Variants in PRDM1 observed in about 807,000 individuals in gnomAD.
PRDM1 encodes the protein PR/SET domain 1.
Under a neutral mutation model 62.8 loss-of-function variants are expected in PRDM1, and 13 were observed. The observed-to-expected ratio is 0.21, with a 90% CI of 0.13 to 0.33. The LOEUF (loss-of-function observed/expected upper bound fraction) is 0.33. PRDM1 is among the 10% of genes least tolerant of loss of function. PRDM1 has a pLI of 1.00. For synonymous variants in PRDM1, 396 were observed against 417.6 expected, an observed-to-expected ratio of 0.95 and a Z score of 0.63; for missense variants, 895 against 1,058.8, an observed-to-expected ratio of 0.85 and a Z score of 2.15.
chr6:106,018,246 T>C (rs1158606262), intron 1 of PRDM1, among the ~76,000 whole-genome samples: 1 of 152,242 alleles, frequency 6.6e-6, no homozygotes, highest in East Asian at 1.9e-4. Flanking sequence ...GTATAGTTAT[T>C]AAAGTAGTTT....
rs2114658120 is a variant in PRDM1, at chr6:106,105,805, C to T, written c.1645C>T (p.Leu549Phe). The T allele has an allele frequency of 6.2e-7, 1 of 1,614,228 alleles. No homozygotes were observed. The highest frequency in any genetic ancestry group is 8.5e-7 in the Non-Finnish European group (1 of 1,180,048). The change falls in exon 5 of 7, where the codon CTC becomes TTC. Residue 549 changes from leucine to phenylalanine, a missense_variant. This residue lies in a region of PRDM1 where 74 missense variants were observed against 172.4 expected (regional missense o/e 0.43). Transcript: ENST00000369096. ...AAPSSDEAMNLIKNKRNMTGY... is the reference protein window; with the variant it reads ...AAPSSDEAMNFIKNKRNMTGY... ...CCCCAGCAGCGACGAAGCCATGAATCTCATTAAAAACAAAAGAAACATGAC... is the reference window on the plus strand; with the variant it reads ...CCCCAGCAGCGACGAAGCCATGAATTTCATTAAAAACAAAAGAAACATGAC...
At chr6:106,103,454 GA>G (rs761345334) in intron 4 of PRDM1, among the ~76,000 whole-genome samples, 2 of 152,148 alleles carry the variant, frequency 1.3e-5, no homozygotes, top group Non-Finnish European at 2.9e-5. Context: ...TGCTGCCTCT[GA>G]AGGCATCTCC....
intron 1 of PRDM1, among the ~76,000 whole-genome samples, chr6:106,051,985 A>G (rs990697537): frequency 6.6e-6 from 1 of 152,334 alleles, no homozygotes; most frequent in Middle Eastern, 3.4e-3. Context: ...TGTCAAGTTC[A>G]TAGACACAGA....
intron 1 of PRDM1, among the ~76,000 whole-genome samples, chr6:106,007,155 G>GGCACAGT (rs1772493594): frequency 6.6e-6 from 1 of 151,942 alleles, no homozygotes; most frequent in Admixed American, 6.6e-5. Context: ...AGACAGGCCA[G>GGCACAGT]GCACAGTGGC....
intron 1 of PRDM1, among the ~76,000 whole-genome samples, chr6:106,075,158 T>A (rs992815970): frequency 1.3e-5 from 2 of 152,234 alleles, no homozygotes; most frequent in East Asian, 3.8e-4. Flanking sequence ...GTGTTATCAA[T>A]ATTTCTTAAT....
At chr6:106,073,105 CT>C (rs202236727) in intron 1 of PRDM1, among the ~76,000 whole-genome samples, 18,281 of 137,398 alleles carry the variant, frequency 0.13, 828 homozygotes, top group Middle Eastern at 0.18. Context: ...TTCCTCTTTT[CT>C]TTTTTTTTTT....
At chr6:106,056,331 A>C (rs6929853) in intron 1 of PRDM1, among the ~76,000 whole-genome samples, 2 of 152,094 alleles carry the variant, frequency 1.3e-5, no homozygotes, top group Non-Finnish European at 1.5e-5. Context: ...TGGCCTTCTC[A>C]TCCCTCACCG....
Position 105,998,239 on chromosome 6 carries a change from T to C in PRDM1, c.-67+4600T>C, listed in dbSNP as rs1251283572. Among the ~76,000 whole-genome samples the C allele has an allele frequency of 3.9e-5, 6 of 152,174 alleles. No homozygotes were observed. The East Asian group carries it at 9.6e-4, about 24-fold the overall frequency. On this transcript the variant is annotated intron_variant, in intron 1 of 6. Transcript: ENST00000652320. ...AAGCTTGTGGCAAAATATTAACGTT[T>C]TTTCAATTTCTTAATTGAAAGGATA...
chr6:106,070,329 C>T (rs78934348), intron 1 of PRDM1, among the ~76,000 whole-genome samples: 2,513 of 152,216 alleles, frequency 0.017, 70 homozygotes, highest in African/African-American at 0.057. Flanking sequence ...TTATGGTACA[C>T]TTTTGTATCT....
At chr6:106,016,718 G>A (rs949963474) in intron 1 of PRDM1, among the ~76,000 whole-genome samples, 1 of 145,084 alleles carries the variant, frequency 6.9e-6, no homozygotes, top group Non-Finnish European at 1.5e-5. Flanking sequence ...GCGCAATATC[G>A]GCTCATTGCA....
At chr6:106,057,053 G>A (rs1439333565) in intron 1 of PRDM1, among the ~76,000 whole-genome samples, 3 of 152,196 alleles carry the variant, frequency 2.0e-5, no homozygotes, top group Non-Finnish European at 4.4e-5. Context: ...CTTGTACTAC[G>A]TAGGATTTAT....
chr6:106,004,996 A>G (rs527631142), intron 1 of PRDM1, among the ~76,000 whole-genome samples: 2 of 152,354 alleles, frequency 1.3e-5, no homozygotes, highest in East Asian at 3.9e-4. Flanking sequence ...GATTCTTCTA[A>G]TAATGTAATA....
chr6:106,103,355 G>A (rs1183871918), intron 4 of PRDM1, among the ~76,000 whole-genome samples: 3 of 152,120 alleles, frequency 2.0e-5, no homozygotes, highest in African/African-American at 7.2e-5. Flanking sequence ...TAGCAAGTGT[G>A]GAGTTCTTTC....
rs1446838224 is a variant in PRDM1 at position 106,105,586 on chromosome 6, C to T, written c.1426C>T (p.Arg476Trp). ...LPSSLPSDGA[R>W]RLLQPEHPRE... is the part of the protein sequence containing the mutation. ...GAGCTCGCTGCCCTCAGATGGAGCC[C>T]GGAGGTTGCTCCAGCCGGAGCATCC... Residue 476 changes from arginine to tryptophan, a missense_variant, in exon 5 of 7, where the codon CGG (arginine) becomes TGG (tryptophan). Physicochemically the swap from Arg to Trp is moderately radical, Grantham distance 101. This residue lies in a region of PRDM1 where 444 missense variants were observed against 422.7 expected (regional missense o/e 1.05). Transcript: ENST00000369096. The T allele has an allele frequency of 6.2e-7, 1 of 1,613,176 alleles. No homozygotes were observed. Among genetic ancestry groups the T allele is most frequent in the Non-Finnish European group, 8.5e-7 (1 of 1,179,314 alleles).
chr6:106,020,978 G>A (rs1282536201), intron 1 of PRDM1, among the ~76,000 whole-genome samples: 1 of 152,088 alleles, frequency 6.6e-6, no homozygotes, highest in Admixed American at 6.6e-5. Context: ...CATCCTCTGA[G>A]GACTTTCATT....
intron 1 of PRDM1, among the ~76,000 whole-genome samples, chr6:106,076,056 A>T (rs1299432150): frequency 6.6e-6 from 1 of 151,738 alleles, no homozygotes. Context: ...TGCTCAAGCC[A>T]TCCTCCAACC....
At chr6:106,082,552 A>T (rs1773710316), upstream of PRDM1, among the ~76,000 whole-genome samples, 1 of 152,248 alleles carries the variant, frequency 6.6e-6, no homozygotes, top group Non-Finnish European at 1.5e-5. Context: ...ATTAATACTT[A>T]GATGTAATGA....
chr6:106,102,017 T>C, intron 4 of PRDM1, among the ~76,000 whole-genome samples: 1 of 152,208 alleles, frequency 6.6e-6, no homozygotes, highest in East Asian at 1.9e-4. Flanking sequence ...TAGAAAACAG[T>C]TGACCAAATT....
intron 1 of PRDM1, among the ~76,000 whole-genome samples, chr6:106,055,080 G>A (rs1773241462): frequency 6.6e-6 from 1 of 152,168 alleles, no homozygotes; most frequent in African/African-American, 2.4e-5. Flanking sequence ...AGCTAACTAG[G>A]ACTTCTCAGT....
Sources: gnomAD v4.1 joint callset for allele counts (sites outside exome capture counted in the v4.1 genomes callset) on GRCh38, gnomAD v4.1.1 for gene constraint, gnomAD v4.1.1 regional missense constraint, MANE v1.5 for transcripts, NCBI Gene and HGNC (gene_info 2026-07-23, HGNC 2026-07-21) for gene names.